Variants in CNBD1 observed in about 807,000 individuals in gnomAD.
The protein encoded by CNBD1 is cyclic nucleotide binding domain containing 1, also known as cyclic nucleotide-binding domain-containing protein 1.
In CNBD1, 71 loss-of-function variants were observed where a neutral mutation model predicts 54.4. The observed-to-expected ratio is 1.30, with a 90% CI of 1.08 to 1.59. The LOEUF (loss-of-function observed/expected upper bound fraction) is 1.59, where lower values mean the gene tolerates loss of function less well. CNBD1 is among the 40% of genes most tolerant of loss of function. The probability of loss-of-function intolerance (pLI) is 0.00; values close to 1 mark genes in which losing one functional copy is unlikely to be tolerated. For missense variants in CNBD1, 659 were observed against 518.0 expected (o/e 1.27, Z -2.64); for synonymous variants, 182 against 170.7 (o/e 1.07, Z -0.51).
chr8:87,232,695 C>G (rs185185540), intron 5 of CNBD1, among the ~76,000 whole-genome samples: 1 of 151,994 alleles, frequency 6.6e-6, no homozygotes, highest in African/African-American at 2.4e-5. Context: ...TTGTAGCTTG[C>G]GATATAATTT....
At chr8:87,398,583 C>T (rs939155824) in intron 2 of CNBD1, among the ~76,000 whole-genome samples, 4 of 151,766 alleles carry the variant, frequency 2.6e-5, no homozygotes, top group Admixed American at 1.3e-4. Flanking sequence ...TCCATAAAAC[C>T]GTGGATTGCT....
At chr8:87,057,478 G>T (rs934657714) in intron 4 of CNBD1, among the ~76,000 whole-genome samples, 8 of 152,162 alleles carry the variant, frequency 5.3e-5, no homozygotes, top group Admixed American at 1.3e-4. Context: ...TACAATTCAA[G>T]ATATTTCAGT....
intron 3 of CNBD1, among the ~76,000 whole-genome samples, chr8:86,936,760 AAT>A (rs1188432214): frequency 3.3e-5 from 5 of 150,052 alleles, no homozygotes; most frequent in Admixed American, 6.6e-5. Flanking sequence ...AAAAAAAAAA[AAT>A]CTATAGGGAT....
chr8:87,357,314 G>T (rs1440612031), intron 10 of CNBD1, among the ~76,000 whole-genome samples: 1 of 152,156 alleles, frequency 6.6e-6, no homozygotes. Flanking sequence ...TGGGCAGCTT[G>T]CACTCTGAGC....
chr8:87,355,814 C>T (rs1810408901), intron 10 of CNBD1, among the ~76,000 whole-genome samples: 1 of 152,010 alleles, frequency 6.6e-6, no homozygotes, highest in African/African-American at 2.4e-5. Context: ...TTGTCCTTTC[C>T]AAATTTCATG....
At chr8:87,082,418 T>G (rs1421272851) in intron 4 of CNBD1, among the ~76,000 whole-genome samples, 1 of 152,230 alleles carries the variant, frequency 6.6e-6, no homozygotes, top group Non-Finnish European at 1.5e-5. Context: ...AGCCTGTTGG[T>G]GGACTCTCTT....
At chr8:87,420,774 CTTT>C (rs1167576631) in intron 2 of CNBD1, among the ~76,000 whole-genome samples, 2 of 141,858 alleles carry the variant, frequency 1.4e-5, no homozygotes, top group Non-Finnish European at 1.6e-5. Context: ...TGATTTTCTT[CTTT>C]TTTTTTTTTT....
chr8:87,080,467 A>G (rs1182648165), intron 4 of CNBD1, among the ~76,000 whole-genome samples: 1 of 152,078 alleles, frequency 6.6e-6, no homozygotes, highest in East Asian at 1.9e-4. Context: ...CTGTAATCCC[A>G]GCTGAGGGAT....
chr8:87,093,309 G>A (rs1811255215), intron 4 of CNBD1, among the ~76,000 whole-genome samples: 1 of 152,096 alleles, frequency 6.6e-6, no homozygotes. Context: ...TTACCTGCTA[G>A]GAGGAGATGA....
chr8:87,385,196 C>T (rs375863188), downstream of CNBD1, among the ~76,000 whole-genome samples: 38 of 152,222 alleles, frequency 2.5e-4, no homozygotes, highest in African/African-American at 7.0e-4. Flanking sequence ...GCTTGAGTAA[C>T]GCAGAAGATG....
intron 1 of CNBD1, among the ~76,000 whole-genome samples, chr8:86,869,883 T>G (rs1380197208): frequency 6.6e-6 from 1 of 152,196 alleles, no homozygotes; most frequent in Non-Finnish European, 1.5e-5. Flanking sequence ...CAAGAAGCTG[T>G]CCTTCACCGT....
intron 4 of CNBD1, among the ~76,000 whole-genome samples, chr8:87,118,645 T>A (rs1190887292): frequency 1.3e-5 from 2 of 152,182 alleles, no homozygotes; most frequent in Non-Finnish European, 2.9e-5. Flanking sequence ...ACCTTGTTTT[T>A]TTGTGCTGAG....
At chr8:87,255,542 A>G (rs925793832) in intron 6 of CNBD1, among the ~76,000 whole-genome samples, 5 of 152,048 alleles carry the variant, frequency 3.3e-5, no homozygotes, top group Admixed American at 6.6e-5. Context: ...TGAAAAATCT[A>G]TATAAATATA....
At position 87,322,817 on chromosome 8, in the gene CNBD1, C is replaced by A. The variant is rs970080755; in HGVS notation, c.1043-28868C>A. ...GAAGCTCTTTAGTTTAATTAGATCCCATTTGTCAATTTTGTCTTTTGTTGC... is the reference window on the plus strand; with the variant it reads ...GAAGCTCTTTAGTTTAATTAGATCCAATTTGTCAATTTTGTCTTTTGTTGC... On this transcript the variant is annotated intron_variant, in intron 8 of 10. Transcript: ENST00000518476. 1.0e-3 allele frequency among the ~76,000 whole-genome samples: 104 copies of A among 104,004 alleles called. 16 individuals are homozygous for A. Among genetic ancestry groups the A allele is most frequent in the Admixed American group, 2.4e-3 (25 of 10,398 alleles). The allele number at this position is 104,004 out of a possible 152,430, so 68.2% of individuals were successfully genotyped here. A position where few individuals can be genotyped will look rare whatever the true frequency, so the allele number is the denominator to read the frequency against.
intron 4 of CNBD1, among the ~76,000 whole-genome samples, chr8:87,110,757 G>A (rs1170802488): frequency 2.0e-5 from 3 of 152,226 alleles, no homozygotes; most frequent in African/African-American, 7.2e-5. Flanking sequence ...TGTGATAGAA[G>A]GTTAAACTAA....
At chr8:87,227,337 G>A (rs1194677338) in intron 5 of CNBD1, among the ~76,000 whole-genome samples, 3 of 147,574 alleles carry the variant, frequency 2.0e-5, no homozygotes, top group South Asian at 2.2e-4. Flanking sequence ...TCCTAGTCTC[G>A]ATGGTCTTTA....
intron 4 of CNBD1, among the ~76,000 whole-genome samples, chr8:87,184,052 G>A (rs994131918): frequency 2.6e-5 from 4 of 152,292 alleles, no homozygotes; most frequent in South Asian, 2.1e-4. Flanking sequence ...CTGGGGTGGC[G>A]GGGGCCACAG....
intron 4 of CNBD1, among the ~76,000 whole-genome samples, chr8:87,141,364 CTG>C (rs955978616): frequency 1.3e-5 from 2 of 152,104 alleles, no homozygotes; most frequent in African/African-American, 4.8e-5. Flanking sequence ...GAGGAAGAGA[CTG>C]TGTAAACATA....
At chr8:87,327,496 T>C (rs1809705954) in intron 8 of CNBD1, among the ~76,000 whole-genome samples, 1 of 152,198 alleles carries the variant, frequency 6.6e-6, no homozygotes, top group South Asian at 2.1e-4. Flanking sequence ...GTGTGGGATA[T>C]AGTTTCGTGG....
Sources: allele counts gnomAD v4.1 joint callset (sites outside exome capture counted in the v4.1 genomes callset), GRCh38; gene constraint gnomAD v4.1.1; transcripts MANE v1.5; gene names NCBI Gene and HGNC (gene_info 2026-07-23, HGNC 2026-07-21).